Variants in HSD17B2 observed in about 807,000 individuals in gnomAD.
HSD17B2 encodes 17-beta-hydroxysteroid dehydrogenase type 2.
A neutral mutation model predicts 26.9 loss-of-function variants in HSD17B2; 32 were observed. The observed-to-expected ratio is 1.19, with a 90% CI of 0.90 to 1.60. HSD17B2 has a LOEUF of 1.60. Among genes scored for constraint, HSD17B2 ranks in the 40% most tolerant of loss-of-function variants. The pLI is 0.00. For synonymous variants in HSD17B2, 246 were observed against 186.7 expected (o/e 1.32, Z -2.59); for missense variants, 613 against 468.6 (o/e 1.31, Z -2.85).
chr16:82,070,896 CA>C, intron 2 of HSD17B2, 45 bp from the exon 3 acceptor site: 2 of 1,554,582 alleles, frequency 1.3e-6, no homozygotes, highest in Non-Finnish European at 1.8e-6. Flanking sequence ...TTGTGTTATT[CA>C]CTTCCTCTTC....
intron 3 of HSD17B2, chr16:82,090,117 G>A (rs1029361755): frequency 4.3e-6 from 2 of 470,414 alleles, no homozygotes; most frequent in African/African-American, 2.1e-5. Flanking sequence ...CAGGATGTAT[G>A]TTATTCCTCG....
chr16:82,088,640 A>G (rs1904596141), intron 3 of HSD17B2, among the ~76,000 whole-genome samples: 1 of 152,242 alleles, frequency 6.6e-6, no homozygotes, highest in South Asian at 2.1e-4. Context: ...ATTTTGAACA[A>G]GTTGCTGTAA....
intron 1 of HSD17B2, among the ~76,000 whole-genome samples, chr16:82,060,432 AG>A (rs1490857516): frequency 1.7e-4 from 26 of 152,178 alleles, no homozygotes; most frequent in Non-Finnish European, 3.1e-4. Context: ...ACCCCATCAG[AG>A]GGGGAGCCCC....
At chr16:82,085,256 G>A (rs911109471) in intron 3 of HSD17B2, among the ~76,000 whole-genome samples, 1 of 152,150 alleles carries the variant, frequency 6.6e-6, no homozygotes, top group African/African-American at 2.4e-5. Flanking sequence ...GGCAAGATGG[G>A]AAGCCTAGGC....
chr16:82,091,224 C>A, intron 4 of HSD17B2, 185 bp downstream of exon 4: 1 of 696,144 alleles, frequency 1.4e-6, no homozygotes, highest in Non-Finnish European at 2.6e-6. Flanking sequence ...AAGAGCTAAG[C>A]TCCATTCTGA....
At chr16:82,049,926 C>T (rs561547145) in intron 1 of HSD17B2, among the ~76,000 whole-genome samples, 80 of 152,358 alleles carry the variant, frequency 5.3e-4, no homozygotes, top group African/African-American at 1.9e-3. Flanking sequence ...TGGATATCAA[C>T]TGTCACTGTG....
At chr16:82,072,320 T>C (rs927376504) in intron 3 of HSD17B2, among the ~76,000 whole-genome samples, 1 of 152,186 alleles carries the variant, frequency 6.6e-6, no homozygotes, top group Non-Finnish European at 1.5e-5. Context: ...GTAGTTCCAA[T>C]TTCCTGCTAC....
In HSD17B2 at chr16:82,035,552, G is replaced by T. The variant is rs1290807532; in HGVS notation, c.128G>T (p.Gly43Val). The T allele has an allele frequency of 1.2e-6, 2 of 1,614,080 alleles. No homozygotes were observed. The highest frequency in any genetic ancestry group is 2.7e-5 in the African/African-American group (2 of 75,028). The stretch of plus-strand genomic sequence containing the variant: ...TGGAGCTGGATGGTCTGCCTGGCAG[G>T]CCTCTGTGCAGTCTGCCTGCTCATC... ...QLWSWMVCLAGLCAVCLLILS... is the reference protein window; with the variant it reads ...QLWSWMVCLAVLCAVCLLILS... The change falls in exon 1 of 5, where the codon GGC becomes GTC. Residue 43 changes from glycine (G) to valine (V), a missense_variant. Coordinates refer to ENST00000199936, the MANE Select transcript of HSD17B2 (RefSeq NM_002153.3).
chr16:82,041,320 A>G (rs148294908), intron 1 of HSD17B2, among the ~76,000 whole-genome samples: 73 of 152,320 alleles, frequency 4.8e-4, no homozygotes, highest in African/African-American at 1.7e-3. Context: ...CGTTAGTTGG[A>G]CACAATAGGA....
intron 3 of HSD17B2, among the ~76,000 whole-genome samples, chr16:82,081,565 T>C (rs1904381530): frequency 6.6e-6 from 1 of 152,116 alleles, no homozygotes; most frequent in African/African-American, 2.4e-5. Context: ...TTTGTCCCTG[T>C]AAAGTGGAGG....
chr16:82,053,500 C>A (rs1914171059), intron 1 of HSD17B2, among the ~76,000 whole-genome samples: 1 of 152,166 alleles, frequency 6.6e-6, no homozygotes, highest in Admixed American at 6.5e-5. Context: ...AAAATGCCAA[C>A]ATAACCAATG....
In HSD17B2 at chr16:82,098,336, C is replaced by T. The variant is rs759470496; in HGVS notation, c.1064C>T (p.Pro355Leu). ...TGGATCTGCCTTGCTCACTATTTGC[C>T]TATTGGCATATATGATTACTTTGCT... Reference protein sequence around the residue: ...YLWICLAHYLPIGIYDYFAKR... With the variant: ...YLWICLAHYLLIGIYDYFAKR... Residue 355 changes from proline to leucine, a missense_variant, in exon 5 of 5, where the codon CCT (proline) becomes CTT (leucine). Transcript: ENST00000199936. 6.2e-7 allele frequency: 1 copy of T among 1,614,190 alleles called. No homozygotes were observed. Among genetic ancestry groups the T allele is most frequent in the South Asian group, 1.1e-5 (1 of 91,080 alleles).
At chr16:82,045,121 C>CAAAAAAAAAA (rs10565056) in intron 1 of HSD17B2, among the ~76,000 whole-genome samples, 1 of 42,798 alleles carries the variant, frequency 2.3e-5, no homozygotes, top group African/African-American at 5.9e-5. Flanking sequence ...AAACTCTGTC[C>CAAAAAAAAAA]AAAAAAAAAA....
rs575775772 is a variant in HSD17B2, at chr16:82,090,957, C to T, written c.720C>T (p.Thr240=). 70 of 1,613,978 alleles carry T rather than the reference C, an allele frequency of 4.3e-5. No individual in the cohort carries two copies. The South Asian group carries it at 7.6e-4, about 17-fold the overall frequency. ...ASYGSSKAAV[T]MFSSVMRLEL... ...ATGGCTCATCAAAGGCGGCTGTGAC[C>T]ATGTTCTCATCAGTTATGAGACTGG... The change falls in exon 4 of 5, where the codon ACC becomes ACT. Residue 240 remains threonine, a synonymous_variant. Coordinates refer to ENST00000199936, the MANE Select transcript of HSD17B2 (RefSeq NM_002153.3).
chr16:82,037,453 T>C (rs1913653173), intron 1 of HSD17B2, among the ~76,000 whole-genome samples: 1 of 152,188 alleles, frequency 6.6e-6, no homozygotes, highest in Admixed American at 6.5e-5. Flanking sequence ...TGGCTTATGA[T>C]AACATAGATT....
intron 2 of HSD17B2, among the ~76,000 whole-genome samples, chr16:82,069,796 G>C (rs570798820): frequency 2.0e-5 from 3 of 152,170 alleles, no homozygotes; most frequent in African/African-American, 7.2e-5. Context: ...GGGGCCCCTA[G>C]CTTGATTTCG....
chr16:82,061,698 G>T (rs1914443364), intron 1 of HSD17B2, among the ~76,000 whole-genome samples: 1 of 152,190 alleles, frequency 6.6e-6, no homozygotes, highest in African/African-American at 2.4e-5. Flanking sequence ...AAAAAGACTA[G>T]AAGAAAAAGA....
chr16:82,044,595 A>AT, intron 1 of HSD17B2: 1 of 152,296 alleles, frequency 6.6e-6, no homozygotes, highest in East Asian at 1.9e-4. Flanking sequence ...CCGAGTTGTC[A>AT]TTTGGTTCTC....
intron 4 of HSD17B2, 107 bp downstream of exon 4, chr16:82,091,146 G>T (rs750826550): frequency 1.1e-5 from 12 of 1,102,260 alleles, no homozygotes; most frequent in Admixed American, 5.1e-5. Flanking sequence ...TGTCAAAGAT[G>T]AGCACAGCCA....
Sources: gnomAD v4.1 joint callset for allele counts (sites outside exome capture counted in the v4.1 genomes callset) on GRCh38, gnomAD v4.1.1 for gene constraint, MANE v1.5 for transcripts, NCBI Gene and HGNC (gene_info 2026-07-23, HGNC 2026-07-21) for gene names.